UBE2J2: variants seen among roughly 807,000 people sequenced by gnomAD.
UBE2J2 encodes the protein ubiquitin-conjugating enzyme E2 J2.
Under a neutral mutation model 28.6 loss-of-function variants are expected in UBE2J2, and 5 were observed. The observed-to-expected ratio is 0.17, with a 90% CI of 0.09 to 0.37. UBE2J2 has a LOEUF of 0.37. Ranked by LOEUF, UBE2J2 falls within the 10% of genes least tolerant of loss-of-function variation. UBE2J2 has a pLI of 1.00. For missense variants in UBE2J2, 226 were observed against 338.9 expected, an observed-to-expected ratio of 0.67 and a Z score of 2.62; for synonymous variants, 138 against 139.7, an observed-to-expected ratio of 0.99 and a Z score of 0.09.
intron 5 of UBE2J2, among the ~76,000 whole-genome samples, chr1:1,256,610 C>T (rs112465479): frequency 3.3e-5 from 5 of 151,896 alleles, no homozygotes; most frequent in Non-Finnish European, 7.4e-5. Context: ...CGGCCGGGCG[C>T]GGTGGCTCAC....
chr1:1,260,438 C>T (rs758319439), intron 3 of UBE2J2, among the ~76,000 whole-genome samples: 4 of 152,136 alleles, frequency 2.6e-5, no homozygotes, highest in Admixed American at 6.5e-5. Flanking sequence ...TGCCTCACTG[C>T]GTGCGCACAC....
chr1:1,268,134 T>A lies in UBE2J2; in HGVS notation c.1-142A>T. On this transcript the variant is annotated intron_variant, in intron 1 of 6. Coordinates refer to ENST00000349431, the MANE Select transcript of UBE2J2 (RefSeq NM_058167.3). This position sits in a 1 kb window ranked among gnomAD's most constrained non-coding sequence, Gnocchi z 4.7. ...CAGAGTCACAGCTCACAGGTCACCC[T>A]CGCTTGCCACCCGCCCAGACACCCA... The A allele has an allele frequency of 8.6e-7, 1 of 1,167,354 alleles. No homozygotes were observed. The highest frequency in any genetic ancestry group is 1.2e-6 in the Non-Finnish European group (1 of 822,118). The allele number at this position is 1,167,354 out of a possible 1,614,324, so 72.3% of individuals were successfully genotyped here.
chr1:1,257,070 G>A lies in UBE2J2; in HGVS notation c.336C>T (p.Ser112=), dbSNP rs1639227872. The A allele has an allele frequency of 1.9e-6, 3 of 1,613,402 alleles. No homozygotes were observed. The highest frequency in any genetic ancestry group is 2.5e-6 in the Non-Finnish European group (3 of 1,179,786). ...AGCTCAGGAGCCCAGTCAGGATGGT[G>A]GAGACAGACCAGGCCGGGTTCCACG... ...PDTWNPAWSV[S]TILTGLLSFM... is the part of the protein sequence containing the mutation. The change falls in exon 5 of 7, where the codon TCC becomes TCT. Residue 112 remains serine, a synonymous_variant. Transcript: ENST00000349431.
intron 5 of UBE2J2, chr1:1,256,341 C>T (rs1639170064): frequency 2.1e-6 from 1 of 475,702 alleles, no homozygotes; most frequent in Admixed American, 3.8e-5. Flanking sequence ...CTATTAAAGA[C>T]AGGGAAAAAC....
At chr1:1,255,522 C>A in intron 6 of UBE2J2, 35 bp from the exon 7 acceptor site, 1 of 1,581,124 alleles carries the variant, frequency 6.3e-7, no homozygotes, top group South Asian at 1.2e-5. Context: ...CAGCTGGTCT[C>A]CAACCAGCGC....
At chr1:1,261,469 C>T (rs1639556185) in intron 3 of UBE2J2, among the ~76,000 whole-genome samples, 1 of 152,206 alleles carries the variant, frequency 6.6e-6, no homozygotes, top group African/African-American at 2.4e-5. Flanking sequence ...CTGTGTCCAG[C>T]CCTGTTGGGG....
At chr1:1,271,003 G>A (rs1640120956) in intron 1 of UBE2J2, among the ~76,000 whole-genome samples, 1 of 152,248 alleles carries the variant, frequency 6.6e-6, no homozygotes, top group African/African-American at 2.4e-5. Context: ...GGCATAGCCA[G>A]AGCCACCGCC....
At chr1:1,266,028 T>C (rs956697243) in intron 2 of UBE2J2, 128 of 1,294,694 alleles carry the variant, frequency 9.9e-5, no homozygotes, top group Non-Finnish European at 1.2e-4. Context: ...TGGGGAGGGA[T>C]TTCCCCACAC....
At chr1:1,267,698 G>T (rs1043496691) in intron 2 of UBE2J2, 164 bp downstream of exon 2, 3 of 1,460,126 alleles carry the variant, frequency 2.1e-6, no homozygotes, top group Non-Finnish European at 2.7e-6. Flanking sequence ...GAAAAGACCA[G>T]AGAGTGTCCA....
chr1:1,267,954 T>C lies in UBE2J2; in HGVS notation c.39A>G (p.Ala13=), dbSNP rs1557565942. The C allele has an allele frequency of 6.2e-7, 1 of 1,614,072 alleles. No individual in the cohort carries two copies. The highest frequency in any genetic ancestry group is 2.2e-5 in the East Asian group (1 of 44,880). Residue 13 remains alanine, a synonymous_variant, in exon 2 of 7, where the codon GCA becomes GCG. Coordinates refer to ENST00000349431, the MANE Select transcript of UBE2J2 (RefSeq NM_058167.3). ...GGTAGTCCTGCTTCAGCCTCTGGGTTGCCGTGGTCGGAGCCCTCTTACTGC... is the reference window on the plus strand; with the variant it reads ...GGTAGTCCTGCTTCAGCCTCTGGGTCGCCGTGGTCGGAGCCCTCTTACTGC... ...STSSKRAPTT[A]TQRLKQDYLR...
rs184716562 is a variant in UBE2J2 at position 1,272,410 on chromosome 1, G to A, written c.-1+1256C>T. 2.9e-4 allele frequency among the ~76,000 whole-genome samples: 44 copies of A among 152,302 alleles called. 2 individuals are homozygous for A. In the East Asian group the frequency reaches 3.3e-3, roughly 11 times the overall value. ...AGTGGCTGCCCAGCGTCCCTCACCC[G>A]TCCCTCTTTGTCTGGACAGCTCTTT... On this transcript the variant is annotated intron_variant, in intron 1 of 6. Transcript: ENST00000349431.
At chr1:1,255,647 G>T (rs1240976957) in intron 6 of UBE2J2, among the ~76,000 whole-genome samples, 160 bp from the exon 7 acceptor site, 3 of 152,130 alleles carry the variant, frequency 2.0e-5, no homozygotes, top group South Asian at 2.1e-4. Flanking sequence ...AGCGTGGCCG[G>T]CCTCACTGGC....
intron 2 of UBE2J2, among the ~76,000 whole-genome samples, chr1:1,265,551 T>C (rs905559306): frequency 6.7e-6 from 1 of 149,552 alleles, no homozygotes; most frequent in Non-Finnish European, 1.5e-5. Context: ...GCTGGCTGAC[T>C]GCAGTTTTCT....
chr1:1,260,728 CCCT>C (rs1639507143), intron 3 of UBE2J2, among the ~76,000 whole-genome samples: 1 of 152,262 alleles, frequency 6.6e-6, no homozygotes, highest in African/African-American at 2.4e-5. Flanking sequence ...CATGGCCTGT[CCCT>C]CCTCTACCAC....
At chr1:1,258,028 CTTT>C (rs917703930) in intron 3 of UBE2J2, among the ~76,000 whole-genome samples, 2 of 151,764 alleles carry the variant, frequency 1.3e-5, no homozygotes, top group African/African-American at 2.4e-5. Flanking sequence ...CACGTTCCCA[CTTT>C]TTTTTGTTTT....
chr1:1,263,580 C>G (rs1639680715), intron 2 of UBE2J2, 194 bp from the exon 3 acceptor site: 1 of 575,694 alleles, frequency 1.7e-6, no homozygotes, highest in African/African-American at 1.9e-5. Flanking sequence ...TGCTTTTAGT[C>G]TCTTGTAACA....
chr1:1,268,280 C>T lies in UBE2J2; in HGVS notation c.1-288G>A, dbSNP rs530628071. ...CTCGTTCCTGTCCTCCAAAAACTCA[C>T]GCAGGGATACATTTACAGGGCTTGA... On this transcript the variant is annotated intron_variant, in intron 1 of 6. Transcript: ENST00000349431. This position sits in a 1 kb window ranked among gnomAD's most constrained non-coding sequence, Gnocchi z 4.7. Among the ~76,000 whole-genome samples the T allele has an allele frequency of 4.6e-5, 7 of 152,160 alleles. No individual in the cohort carries two copies. Among genetic ancestry groups the T allele is most frequent in the Non-Finnish European group, 8.8e-5 (6 of 68,032 alleles).
intron 3 of UBE2J2, 83 bp from the exon 4 acceptor site, chr1:1,257,393 A>ACCGCC (rs1639256662): frequency 4.7e-6 from 1 of 214,246 alleles, no homozygotes. Flanking sequence ...CCCCCACGCC[A>ACCGCC]CCCCCCCCCC....
rs550483705 is a variant in UBE2J2 at position 1,268,658 on chromosome 1, A to G, written c.1-666T>C. On this transcript the variant is annotated intron_variant, in intron 1 of 6. Transcript: ENST00000349431. The surrounding 1 kb of genome is among the most constrained non-coding windows in gnomAD (Gnocchi z 4.7). ...GGGCCCAAGCACAGTGAGGGCAGGG[A>G]TAAGACTGGCCAGGGAGGCAGGGCC... 6.6e-6 allele frequency among the ~76,000 whole-genome samples: 1 copy of G among 152,288 alleles called. No homozygotes were observed. Among genetic ancestry groups the G allele is most frequent in the South Asian group, 2.1e-4 (1 of 4,832 alleles).
Sources: gnomAD v4.1 joint callset for allele counts (sites outside exome capture counted in the v4.1 genomes callset) on GRCh38, gnomAD v4.1.1 for gene constraint, Gnocchi (gnomAD v3.1) non-coding constraint, MANE v1.5 for transcripts, NCBI Gene and HGNC (gene_info 2026-07-23, HGNC 2026-07-21) for gene names.